LARP4B: variants seen among roughly 807,000 people sequenced by gnomAD.
LARP4B encodes the protein La ribonucleoprotein 4B.
In LARP4B, 12 loss-of-function variants were observed where a neutral mutation model predicts 89.8. The ratio of observed to expected loss-of-function variants is 0.13; its 90% confidence interval spans 0.09 to 0.22. The LOEUF is 0.22. Ranked by LOEUF, LARP4B falls within the 10% of genes least tolerant of loss-of-function variation. LARP4B has a pLI of 1.00. For synonymous variants in LARP4B, 367 were observed against 363.3 expected (o/e 1.01, Z -0.12); for missense variants, 757 against 947.7 (o/e 0.80, Z 2.64).
At chr10:891,658 G>C (rs1247810603) in intron 1 of LARP4B, among the ~76,000 whole-genome samples, 4 of 151,978 alleles carry the variant, frequency 2.6e-5, no homozygotes, top group South Asian at 2.1e-4. Context: ...ATAATAAAAG[G>C]TTAAAAAAGT....
At chr10:835,421 TGA>T (rs1230320019) in intron 8 of LARP4B, among the ~76,000 whole-genome samples, 3 of 152,134 alleles carry the variant, frequency 2.0e-5, no homozygotes, top group Admixed American at 1.3e-4. Context: ...TGAAATCATG[TGA>T]GAGATGAGAC....
intron 3 of LARP4B, among the ~76,000 whole-genome samples, chr10:880,549 G>T (rs1469645368): frequency 6.6e-6 from 1 of 152,148 alleles, no homozygotes; most frequent in South Asian, 2.1e-4. Flanking sequence ...AGCCAAGCAT[G>T]GTGGTGCATG....
At chr10:882,322 A>G (rs1165414024) in intron 3 of LARP4B, among the ~76,000 whole-genome samples, 2 of 152,178 alleles carry the variant, frequency 1.3e-5, no homozygotes, top group Non-Finnish European at 2.9e-5. Flanking sequence ...CATGTACACA[A>G]ATTTGAGTAA....
intron 8 of LARP4B, among the ~76,000 whole-genome samples, chr10:831,600 C>A (rs532922340): frequency 1.1e-4 from 16 of 152,226 alleles, no homozygotes; most frequent in Middle Eastern, 3.4e-3. Flanking sequence ...GGAAGGCTCA[C>A]CAAGAGAGGA....
chr10:831,297 T>TA lies in LARP4B; in HGVS notation c.751-321dup, dbSNP rs1554791094. ...ACAACTTTTTTTTTTTTTTTTTTTT[T>TA]AAAGGCAATTTAAGAAAAAAAATTT... On this transcript the variant is annotated intron_variant, in intron 8 of 17. Transcript: ENST00000316157. Among the ~76,000 whole-genome samples the TA allele has an allele frequency of 9.9e-4, 146 of 147,248 alleles. 2 individuals are homozygous for TA. The highest frequency in any genetic ancestry group is 1.4e-3 in the Admixed American group (21 of 14,658).
At chr10:912,094 G>A (rs1363925866) in intron 1 of LARP4B, among the ~76,000 whole-genome samples, 1 of 152,194 alleles carries the variant, frequency 6.6e-6, no homozygotes, top group Non-Finnish European at 1.5e-5. Flanking sequence ...CACTGTGGAA[G>A]CTCTGCGTGG....
chr10:927,594 C>G (rs1837179123), intron 1 of LARP4B, among the ~76,000 whole-genome samples: 1 of 152,162 alleles, frequency 6.6e-6, no homozygotes, highest in South Asian at 2.1e-4. Flanking sequence ...GAGGTTAACT[C>G]TCTGAGTGCC....
chr10:947,226 A>T, the LARP4B span, among the ~76,000 whole-genome samples: 3 of 152,192 alleles, frequency 2.0e-5, no homozygotes, highest in Non-Finnish European at 4.4e-5. Context: ...CTGACAAGGA[A>T]GCAAGGCAGC....
In LARP4B at chr10:900,280, A is replaced by G. The variant is rs1836298668; in HGVS notation, c.-39-14520T>C. 2.0e-5 allele frequency among the ~76,000 whole-genome samples: 3 copies of G among 152,188 alleles called. No homozygotes were observed. The South Asian group carries it at 6.2e-4, about 32-fold the overall frequency. Reference sequence around the variant, plus strand: ...GAGAATTGCTTGAACCTGGGAGAAGAAGGTTGCAGTGAGCCAAGATCGCAC... The same window carrying G: ...GAGAATTGCTTGAACCTGGGAGAAGGAGGTTGCAGTGAGCCAAGATCGCAC... On this transcript the variant is annotated intron_variant, in intron 1 of 17. Transcript: ENST00000316157.
At chr10:893,879 G>A (rs970905454) in intron 1 of LARP4B, among the ~76,000 whole-genome samples, 2 of 152,120 alleles carry the variant, frequency 1.3e-5, no homozygotes, top group African/African-American at 2.4e-5. Flanking sequence ...CACAGTGCTC[G>A]CCTTGGGACT....
intron 1 of LARP4B, among the ~76,000 whole-genome samples, chr10:906,575 C>T (rs1539176): frequency 1.8e-5 from 2 of 110,986 alleles, no homozygotes; most frequent in Non-Finnish European, 4.3e-5. Context: ...AGTCTACCTC[C>T]TTGTCTCCTT....
chr10:933,888 C>A (rs908678144), upstream of LARP4B, among the ~76,000 whole-genome samples: 32 of 151,748 alleles, frequency 2.1e-4, no homozygotes, highest in Non-Finnish European at 4.4e-4. Context: ...GCTGGAGTGC[C>A]GTGGCATAAT....
At chr10:845,966 A>T (rs1031982653) in intron 5 of LARP4B, among the ~76,000 whole-genome samples, 2 of 152,210 alleles carry the variant, frequency 1.3e-5, no homozygotes, top group African/African-American at 4.8e-5. Flanking sequence ...AGAGGGATAG[A>T]GAGTTTGTAT....
rs141582701 is a variant in LARP4B at position 879,024 on chromosome 10, G to T, written c.141+5423C>A. 7.5e-3 allele frequency among the ~76,000 whole-genome samples: 1,135 copies of T among 152,276 alleles called. 66 individuals are homozygous for T. Among genetic ancestry groups the T allele is most frequent in the Admixed American group, 0.069 (1,049 of 15,292 alleles). ...TACATCTGTCACACTTCCACAACAA[G>T]AGAAGTTTTAGCAGCATGTAAATCA... On this transcript the variant is annotated intron_variant, in intron 3 of 17. Transcript: ENST00000316157.
intron 7 of LARP4B, among the ~76,000 whole-genome samples, chr10:839,879 G>A (rs188256055): frequency 2.2e-4 from 33 of 152,224 alleles, no homozygotes; most frequent in Admixed American, 2.0e-4. Context: ...GTCAAAACCC[G>A]GCAATAACCT....
chr10:881,504 C>T (rs1240643330), intron 3 of LARP4B, among the ~76,000 whole-genome samples: 2 of 152,210 alleles, frequency 1.3e-5, no homozygotes, highest in Non-Finnish European at 2.9e-5. Flanking sequence ...TCTGGTTTTC[C>T]TCCCATCCCT....
chr10:847,087 T>C (rs966026104), intron 5 of LARP4B, among the ~76,000 whole-genome samples: 28 of 151,760 alleles, frequency 1.8e-4, no homozygotes, highest in African/African-American at 6.5e-4. Flanking sequence ...CAAGAGGGAA[T>C]GGAAGCAAGG....
chr10:913,720 C>A (rs1004661607), intron 1 of LARP4B, among the ~76,000 whole-genome samples: 2 of 152,128 alleles, frequency 1.3e-5, no homozygotes, highest in African/African-American at 4.8e-5. Flanking sequence ...ACCAGCCAGG[C>A]CAATACAGTG....
the LARP4B span, among the ~76,000 whole-genome samples, chr10:953,894 G>A: frequency 2.0e-5 from 3 of 152,242 alleles, no homozygotes; most frequent in Non-Finnish European, 4.4e-5. Context: ...AACAGGACAT[G>A]AAGAATCCCT....
Sources: gnomAD v4.1 joint callset for allele counts (sites outside exome capture counted in the v4.1 genomes callset) on GRCh38, gnomAD v4.1.1 for gene constraint, MANE v1.5 for transcripts, NCBI Gene and HGNC (gene_info 2026-07-23, HGNC 2026-07-21) for gene names.